The following LRP4 variants were observed in gnomAD, a reference collection of about 807,000 sequenced individuals.
LRP4 encodes the protein LDL receptor related protein 4, also known as low-density lipoprotein receptor-related protein 4.
LRP4 carries 95 observed loss-of-function variants against 220.3 expected under a neutral mutation model. That is an observed-to-expected ratio of 0.43 (90% confidence interval 0.37 to 0.51). LRP4 has a LOEUF of 0.51. LRP4 is among the 20% of genes least tolerant of loss of function. LRP4 has a pLI of 0.00. For missense variants in LRP4, 1,925 were observed against 2,567.0 expected (o/e 0.75, Z 5.40); for synonymous variants, 903 against 954.6 (o/e 0.95, Z 1.00).
intron 36 of LRP4, chr11:46,863,010 T>C: frequency 2.1e-6 from 1 of 483,434 alleles, no homozygotes; most frequent in Non-Finnish European, 3.8e-6. Context: ...CCCTCCCTCA[T>C]TCTCTTTTGC....
intron 18 of LRP4, 60 bp downstream of exon 18, chr11:46,886,031 A>G: frequency 7.1e-7 from 1 of 1,412,418 alleles, no homozygotes. Context: ...ATCTGAGGCC[A>G]GGGTTTTAAA....
Position 46,918,244 on chromosome 11 carries a change from C to A in LRP4, c.52+84G>T. ...GAGCGAGGGCGAGGGGTCTCAGGCC[C>A]CGGCCCGCGCCGTCCAGGTCCCGGG... On this transcript the variant is annotated intron_variant, in intron 1 of 37. Transcript: ENST00000378623. The surrounding 1 kb of genome is among the most constrained non-coding windows in gnomAD (Gnocchi z 6.0). The A allele has an allele frequency of 7.0e-7, 1 of 1,423,392 alleles. No homozygotes were observed. The highest frequency in any genetic ancestry group is 1.3e-5 in the South Asian group (1 of 79,710). The allele number at this position is 1,423,392 out of a possible 1,614,324, so 88.2% of individuals were successfully genotyped here. A position where few individuals can be genotyped will look rare whatever the true frequency, so the allele number is the denominator to read the frequency against.
intron 16 of LRP4, among the ~76,000 whole-genome samples, chr11:46,888,220 G>A (rs922716494): frequency 2.1e-5 from 3 of 144,728 alleles, no homozygotes; most frequent in African/African-American, 7.8e-5. Context: ...TACTCAGGAG[G>A]CTGAGGCAGG....
Position 46,877,325 on chromosome 11 carries a change from G to A in LRP4, c.3151C>T (p.Leu1051Phe). Residue 1051 changes from leucine to phenylalanine, a missense_variant, in exon 23 of 38, where the codon CTC becomes TTC. Leu to Phe is a conservative substitution (Grantham distance 22). Around this residue, in one of 3 missense-constraint regions of LRP4, gnomAD observed 1,244 missense variants for 1,624.9 expected, o/e 0.77. Transcript: ENST00000378623. Reference sequence around the variant, plus strand: ...ATGTCTATCCTCCTGGCGAAGATGAGGAAACTGTTCATGCCTGCCAGGTGG... The same window carrying A: ...ATGTCTATCCTCCTGGCGAAGATGAAGAAACTGTTCATGCCTGCCAGGTGG... ...KTCSPGMNSF[L>F]IFARRIDIRM... is the part of the protein sequence containing the mutation. The A allele has an allele frequency of 6.2e-7, 1 of 1,614,106 alleles. No individual in the cohort carries two copies. Among genetic ancestry groups the A allele is most frequent in the Non-Finnish European group, 8.5e-7 (1 of 1,180,014 alleles).
rs1200029895 is a variant in LRP4 at position 46,898,551 on chromosome 11, C to T, written c.796+7G>A. Reference sequence around the variant, plus strand: ...CAAGCCCAACCTAATTCCATTTCCCCACTCACTGCAGTTGCGCTCATCAGA... The same window carrying T: ...CAAGCCCAACCTAATTCCATTTCCCTACTCACTGCAGTTGCGCTCATCAGA... On this transcript the variant is annotated splice_region_variant and intron_variant, in intron 7 of 37. Coordinates refer to ENST00000378623, the MANE Select transcript of LRP4 (RefSeq NM_002334.4). 10 of 1,613,970 alleles carry T rather than the reference C, an allele frequency of 6.2e-6. No individual in the cohort carries two copies. In the African/African-American group the frequency reaches 6.7e-5, roughly 11 times the overall value.
At chr11:46,909,553 C>T (rs1348502664) in intron 1 of LRP4, among the ~76,000 whole-genome samples, 1 of 94,122 alleles carries the variant, frequency 1.1e-5, no homozygotes, top group African/African-American at 4.3e-5. Flanking sequence ...TGCAGTGAGC[C>T]GAGATTGCGC....
At position 46,918,219 on chromosome 11, in the gene LRP4, G is replaced by T; in HGVS notation, c.52+109C>A. 1 of 1,221,942 alleles carries T rather than the reference G, an allele frequency of 8.2e-7. No homozygotes were observed. Among genetic ancestry groups the T allele is most frequent in the Non-Finnish European group, 1.1e-6 (1 of 883,214 alleles). 75.7% of individuals were successfully genotyped at this position (1,221,942 alleles called of 1,614,324 possible). Reference sequence around the variant, plus strand: ...CACGCAGCCCCAGGGCCACGGCTAGGAGCGAGGGCGAGGGGTCTCAGGCCC... The same window carrying T: ...CACGCAGCCCCAGGGCCACGGCTAGTAGCGAGGGCGAGGGGTCTCAGGCCC... On this transcript the variant is annotated intron_variant, in intron 1 of 37. Coordinates refer to ENST00000378623, the MANE Select transcript of LRP4 (RefSeq NM_002334.4). The surrounding 1 kb of genome is among the most constrained non-coding windows in gnomAD (Gnocchi z 6.0).
intron 7 of LRP4, among the ~76,000 whole-genome samples, chr11:46,897,405 T>C (rs1941561708): frequency 6.7e-6 from 1 of 149,780 alleles, no homozygotes; most frequent in African/African-American, 2.4e-5. Context: ...TTATCATTCT[T>C]GGGTGTTTCT....
Position 46,864,438 on chromosome 11 carries a change from C to A in LRP4, c.5243+10G>T. ...TGAGCATGTGGCCCCTGTAGCAAGA[C>A]TGAAGTTACCTGTACAGCATCAAAG... is the stretch of plus-strand genomic sequence containing the variant. On this transcript the variant is annotated intron_variant, in intron 36 of 37. Coordinates refer to ENST00000378623, the MANE Select transcript of LRP4 (RefSeq NM_002334.4). 1.2e-6 allele frequency: 2 copies of A among 1,605,624 alleles called. No individual in the cohort carries two copies. The highest frequency in any genetic ancestry group is 1.7e-6 in the Non-Finnish European group (2 of 1,172,448).
At chr11:46,887,046 A>T (rs1941309146) in intron 16 of LRP4, among the ~76,000 whole-genome samples, 1 of 152,208 alleles carries the variant, frequency 6.6e-6, no homozygotes, top group East Asian at 1.9e-4. Context: ...TGTTATTCTT[A>T]TTCCCATTTT....
chr11:46,868,980 G>C lies in LRP4; in HGVS notation c.4837+8C>G, dbSNP rs1243774066. The C allele has an allele frequency of 6.2e-7, 1 of 1,614,152 alleles. No individual in the cohort carries two copies. The highest frequency in any genetic ancestry group is 1.7e-5 in the Admixed American group (1 of 60,014). ...TTAAGGAAGCAGGCTCAGTACCCGG[G>C]AGCCCACCTGTCTGCCGCTGAGGGG... On this transcript the variant is annotated splice_region_variant and intron_variant, in intron 32 of 37. Coordinates refer to ENST00000378623, the MANE Select transcript of LRP4 (RefSeq NM_002334.4).
chr11:46,873,569 G>A lies in LRP4; in HGVS notation c.4254C>T (p.Asn1418=), dbSNP rs201016203. The A allele has an allele frequency of 5.9e-5, 95 of 1,613,720 alleles. No homozygotes were observed. Among genetic ancestry groups the A allele is most frequent in the Non-Finnish European group, 7.6e-5 (90 of 1,179,802 alleles). The change falls in exon 29 of 38, where the codon AAC becomes AAT. Residue 1418 remains asparagine, a synonymous_variant. Transcript: ENST00000378623. This position sits in a 1 kb window ranked among gnomAD's most constrained non-coding sequence, Gnocchi z 4.2. ...GCCCTCGCCCGATCACTGTCTCCAT[G>A]TTGCTGCCGTTCAGGTCTGCTCGCC... ...VIRRADLNGS[N]METVIGRGLK...
intron 1 of LRP4, among the ~76,000 whole-genome samples, chr11:46,911,318 G>T (rs1056112348): frequency 2.0e-5 from 3 of 152,118 alleles, no homozygotes; most frequent in Non-Finnish European, 4.4e-5. Flanking sequence ...GCTGTCAACA[G>T]ATTTCACAAA....
At chr11:46,882,055 C>G (rs1565787721) in intron 19 of LRP4, 152 bp from the exon 20 acceptor site, 1 of 742,040 alleles carries the variant, frequency 1.3e-6, no homozygotes. Flanking sequence ...GGGCTCAGCA[C>G]TATCTCTGAA....
At chr11:46,883,483 C>A (rs1166878001) in intron 19 of LRP4, among the ~76,000 whole-genome samples, 1 of 152,240 alleles carries the variant, frequency 6.6e-6, no homozygotes, top group Non-Finnish European at 1.5e-5. Flanking sequence ...CAACCTATTT[C>A]TTTAATTCGG....
At chr11:46,914,865 G>A (rs993356504) in intron 1 of LRP4, among the ~76,000 whole-genome samples, 2 of 152,032 alleles carry the variant, frequency 1.3e-5, no homozygotes, top group Non-Finnish European at 2.9e-5. Flanking sequence ...TAAAGGGGCA[G>A]CAACATAAAC....
Position 46,868,005 on chromosome 11 carries a change from G to A in LRP4, c.5061C>T (p.Arg1687=). 6.2e-7 allele frequency: 1 copy of A among 1,614,178 alleles called. No homozygotes were observed. The highest frequency in any genetic ancestry group is 8.5e-7 in the Non-Finnish European group (1 of 1,180,040). The part of the protein sequence containing the change: ...TTLYSSTTRT[R]TSLEEVEGRC... The stretch of plus-strand genomic sequence containing the variant: ...TTCCTTCCACCTCCTCCAGAGACGT[G>A]CGGGTCCGGGTGGTTGAAGAATACA... Residue 1687 remains arginine, a synonymous_variant, in exon 34 of 38, where the codon CGC becomes CGT. Transcript: ENST00000378623.
At chr11:46,917,908 G>C (rs1941973736) in intron 1 of LRP4, among the ~76,000 whole-genome samples, 1 of 152,142 alleles carries the variant, frequency 6.6e-6, no homozygotes, top group Non-Finnish European at 1.5e-5. Context: ...CCAGGAAGGA[G>C]GGCTATTTAC....
chr11:46,902,118 G>A (rs1941676800), intron 2 of LRP4, among the ~76,000 whole-genome samples: 1 of 151,826 alleles, frequency 6.6e-6, no homozygotes. Context: ...AGCACTTTGG[G>A]AGGCTGAGGT....
Sources: gnomAD v4.1 joint callset for allele counts (sites outside exome capture counted in the v4.1 genomes callset) on GRCh38, gnomAD v4.1.1 for gene constraint, gnomAD v4.1.1 regional missense constraint, Gnocchi (gnomAD v3.1) non-coding constraint, MANE v1.5 for transcripts, NCBI Gene and HGNC (gene_info 2026-07-23, HGNC 2026-07-21) for gene names.